Variants in ZNF674 observed in about 807,000 individuals in gnomAD.
ZNF674 encodes the protein zinc finger family member 674.
ZNF674 carries 2 observed loss-of-function variants against 7.0 expected under a neutral mutation model. The observed-to-expected ratio is 0.29, with a 90% confidence interval of 0.12 to 0.90. ZNF674 has a LOEUF of 0.90. Ranked by LOEUF, ZNF674 falls within the 40% of genes least tolerant of loss-of-function variation. The pLI is 0.57. For synonymous variants in ZNF674, 103 were observed against 145.2 expected (o/e 0.71, Z 2.09); for missense variants, 297 against 415.5 (o/e 0.71, Z 2.48).
At chrX:46,512,513 C>T (rs1241909926) in intron 5 of ZNF674, among the ~76,000 whole-genome samples, 2 of 110,995 alleles carry the variant, frequency 1.8e-5, no homozygotes, top group Non-Finnish European at 3.8e-5. Context: ...GTAATCCCAG[C>T]ACTTTGGGAG....
At chrX:46,514,273 G>GAAA (rs1941719260) in intron 5 of ZNF674, among the ~76,000 whole-genome samples, 1 of 110,727 alleles carries the variant, frequency 9.0e-6, no homozygotes, top group South Asian at 3.8e-4. Context: ...AGACTTTAGG[G>GAAA]GACACAGAGA....
intron 5 of ZNF674, among the ~76,000 whole-genome samples, chrX:46,501,662 A>ATGTGTGTGTGTGTGTGTG (rs372308686): frequency 1.3e-4 from 13 of 102,346 alleles, no homozygotes; most frequent in African/African-American, 4.3e-4. Context: ...TTGTATATAT[A>ATGTGTGTGTGTGTGTGTG]TGTGTGTGTG....
chrX:46,523,809 G>A (rs1000933273), intron 5 of ZNF674, among the ~76,000 whole-genome samples: 1 of 110,899 alleles, frequency 9.0e-6, no homozygotes, highest in Non-Finnish European at 1.9e-5. Context: ...TTGAGAAGCC[G>A]AGGCTGGTAG....
chrX:46,499,130 T>A lies in ZNF674; in HGVS notation c.*713A>T, dbSNP rs1941367046. ...GACCCTGTCTCTATTAATAAAAGAA[T>A]ATAGAGCATGATTCCTCTCATTTAT... On this transcript the variant is annotated 3_prime_UTR_variant, in exon 6 of 6. Transcript: ENST00000683375. The A allele has an allele frequency of 9.0e-6, 1 of 110,965 alleles. No homozygotes were observed. The highest frequency in any genetic ancestry group is 1.9e-5 in the Non-Finnish European group (1 of 53,022). 9.1% of individuals were successfully genotyped at this position (110,965 alleles called of 1,213,427 possible).
At chrX:46,542,474 C>T (rs1459576334) in intron 2 of ZNF674, among the ~76,000 whole-genome samples, 2 of 111,699 alleles carry the variant, frequency 1.8e-5, no homozygotes, top group East Asian at 2.8e-4. Context: ...ATGCGGGGGG[C>T]GCTGAAGGAG....
intron 5 of ZNF674, 175 bp downstream of exon 5, chrX:46,528,175 C>T (rs1198885256): frequency 3.8e-6 from 2 of 522,271 alleles, no homozygotes; most frequent in South Asian, 2.6e-5. Context: ...AGCCTGTAAC[C>T]GGCGGCCAGG....
chrX:46,525,322 G>A, intron 5 of ZNF674: 2 of 272,439 alleles, frequency 7.3e-6, no homozygotes, highest in Admixed American at 4.0e-5. Flanking sequence ...GCAAAAAGAG[G>A]CCGGGCATGG....
At chrX:46,535,747 A>G (rs1196288293) in intron 3 of ZNF674, among the ~76,000 whole-genome samples, 2 of 111,953 alleles carry the variant, frequency 1.8e-5, no homozygotes, top group Non-Finnish European at 3.8e-5. Flanking sequence ...TATATATCAA[A>G]TTTTACATTG....
intron 5 of ZNF674, among the ~76,000 whole-genome samples, chrX:46,510,056 G>A (rs1292725806): frequency 3.0e-4 from 31 of 101,894 alleles, no homozygotes; most frequent in East Asian, 1.9e-3. Context: ...ACCAAACACC[G>A]CATGTTCTCA....
chrX:46,541,604 A>G (rs1271484151), intron 3 of ZNF674, among the ~76,000 whole-genome samples: 2 of 111,782 alleles, frequency 1.8e-5, no homozygotes, highest in Admixed American at 1.9e-4. Context: ...ACTGACATAA[A>G]TGCATCTACC....
chrX:46,519,885 A>G (rs996692766), intron 5 of ZNF674, among the ~76,000 whole-genome samples: 3 of 111,924 alleles, frequency 2.7e-5, no homozygotes, highest in Non-Finnish European at 5.6e-5. Context: ...CATACCATGG[A>G]ATGCTACTCA....
intron 4 of ZNF674, 101 bp from the exon 5 acceptor site, chrX:46,528,546 G>T: frequency 1.0e-6 from 1 of 1,004,374 alleles, no homozygotes; most frequent in Non-Finnish European, 1.4e-6. Flanking sequence ...CTCGGTGATG[G>T]CCCCATGCAC....
intron 2 of ZNF674, among the ~76,000 whole-genome samples, chrX:46,543,973 G>A (rs1364028779): frequency 1.8e-5 from 2 of 113,011 alleles, no homozygotes; most frequent in Non-Finnish European, 3.7e-5. Context: ...GGTTGATGGT[G>A]TGGGGCTGAC....
chrX:46,527,894 TA>T (rs376612095), intron 5 of ZNF674: 33,651 of 112,196 alleles, frequency 0.3, 3,031 homozygotes, highest in Middle Eastern at 0.4. Context: ...TCCTTGAGTC[TA>T]AAAAAAAAAA....
intron 5 of ZNF674, among the ~76,000 whole-genome samples, chrX:46,519,112 A>G (rs1275149277): frequency 2.8e-5 from 3 of 107,630 alleles, no homozygotes; most frequent in East Asian, 5.8e-4. Context: ...CTGAGAAAGG[A>G]GAAACGCTTG....
intron 5 of ZNF674, among the ~76,000 whole-genome samples, chrX:46,512,422 A>T (rs2039575869): frequency 9.0e-6 from 1 of 110,897 alleles, no homozygotes; most frequent in Admixed American, 9.6e-5. Flanking sequence ...AAAATTATAT[A>T]AAAATATTTT....
At chrX:46,537,013 G>A (rs1275890999) in intron 3 of ZNF674, among the ~76,000 whole-genome samples, 1 of 112,087 alleles carries the variant, frequency 8.9e-6, no homozygotes, top group African/African-American at 3.2e-5. Flanking sequence ...GCTCACGCCT[G>A]TAATCCTAGG....
Position 46,501,145 on chromosome X carries a change from T to C in ZNF674, c.429A>G (p.Ser143=). ...SVKQRLPKYY[S]WERCSKHHLN... is the part of the protein sequence containing the mutation. The stretch of plus-strand genomic sequence containing the variant: ...AATGATGTTTTGAACACCTTTCCCA[T>C]GAATAATATTTAGGGAGTCTTTGTT... Residue 143 remains serine, a synonymous_variant, in exon 6 of 6, where the codon TCA becomes TCG. Coordinates refer to ENST00000683375, the MANE Select transcript of ZNF674 (RefSeq NM_001190417.2). The C allele has an allele frequency of 8.3e-7, 1 of 1,206,876 alleles. No individual in the cohort carries two copies. The highest frequency in any genetic ancestry group is 1.8e-5 in the South Asian group (1 of 56,177).
intron 5 of ZNF674, among the ~76,000 whole-genome samples, chrX:46,520,869 C>T (rs5906226): frequency 0.23 from 25,481 of 110,840 alleles, 2,682 homozygotes; most frequent in Middle Eastern, 0.37. Flanking sequence ...CTGTGTTCAA[C>T]AAGAGACACA....
Sources: allele counts gnomAD v4.1 joint callset (sites outside exome capture counted in the v4.1 genomes callset), GRCh38; gene constraint gnomAD v4.1.1; transcripts MANE v1.5; gene names NCBI Gene and HGNC (gene_info 2026-07-23, HGNC 2026-07-21).